E2F3: variants seen among roughly 807,000 people sequenced by gnomAD.
The protein encoded by E2F3 is E2F transcription factor 3.
Under a neutral mutation model 44.4 loss-of-function variants are expected in E2F3, and 11 were observed. The observed-to-expected ratio is 0.25, with a 90% CI of 0.16 to 0.41. The LOEUF (loss-of-function observed/expected upper bound fraction) is 0.41. E2F3 is among the 10% of genes least tolerant of loss of function. E2F3 has a pLI of 1.00. For missense variants in E2F3, 487 were observed against 583.6 expected, an observed-to-expected ratio of 0.83 and a Z score of 1.70; for synonymous variants, 249 against 253.0, an observed-to-expected ratio of 0.98 and a Z score of 0.15.
At chr6:20,433,489 C>T (rs1265034374) in intron 1 of E2F3, among the ~76,000 whole-genome samples, 1 of 152,170 alleles carries the variant, frequency 6.6e-6, no homozygotes, top group Non-Finnish European at 1.5e-5. Flanking sequence ...CACAGTAGAA[C>T]TGGCAGTGTG....
intron 3 of E2F3, among the ~76,000 whole-genome samples, chr6:20,482,346 T>G (rs955676874): frequency 7.3e-5 from 11 of 150,428 alleles, no homozygotes; most frequent in East Asian, 1.9e-4. Flanking sequence ...TTTTTTGTTT[T>G]TTTTTTTTTT....
chr6:20,479,696 C>T, intron 1 of E2F3, 150 bp from the exon 2 acceptor site: 1 of 638,756 alleles, frequency 1.6e-6, no homozygotes, highest in Middle Eastern at 4.4e-4. Context: ...AATCCTGGCT[C>T]TAGGGAATGA....
chr6:20,453,948 G>C (rs950352423), intron 1 of E2F3, among the ~76,000 whole-genome samples: 11 of 152,336 alleles, frequency 7.2e-5, no homozygotes, highest in Admixed American at 6.5e-4. Flanking sequence ...ATTTACTCCA[G>C]AGTGAATGAA....
chr6:20,411,430 G>C (rs183107359), intron 1 of E2F3, among the ~76,000 whole-genome samples: 1 of 152,122 alleles, frequency 6.6e-6, no homozygotes, highest in Non-Finnish European at 1.5e-5. Flanking sequence ...TTTTATGTTA[G>C]ATCTATTCCT....
At chr6:20,468,223 G>A (rs1761776992) in intron 1 of E2F3, among the ~76,000 whole-genome samples, 1 of 152,210 alleles carries the variant, frequency 6.6e-6, no homozygotes, top group Non-Finnish European at 1.5e-5. Flanking sequence ...TGAGGGTTCA[G>A]TCTCACAAGA....
At position 20,402,534 on chromosome 6, in the gene E2F3, C is replaced by G; in HGVS notation, c.302C>G (p.Thr101Ser). Residue 101 changes from threonine (T) to serine (S), a missense_variant, in exon 1 of 7, where the codon ACC (threonine) becomes AGC (serine). Thr to Ser is a moderately conservative substitution (Grantham distance 58, BLOSUM62 1). Transcript: ENST00000346618. This position sits in a 1 kb window ranked among gnomAD's most constrained non-coding sequence, Gnocchi z 5.6. ...AEQTAGSLLY[T>S]TPHGPSSRAG... ...CAGACCGCCGGCAGCCTCCTCTACA[C>G]CACGCCGCACGGACCCTCCAGCAGA... 6.3e-7 allele frequency: 1 copy of G among 1,597,070 alleles called. No individual in the cohort carries two copies. The highest frequency in any genetic ancestry group is 1.1e-5 in the South Asian group (1 of 90,758).
chr6:20,481,141 G>C (rs1380141588), intron 2 of E2F3, 65 bp from the exon 3 acceptor site: 1 of 1,474,046 alleles, frequency 6.8e-7, no homozygotes, highest in African/African-American at 1.4e-5. Flanking sequence ...TGACTGCAAA[G>C]ACACCCTTCA....
chr6:20,457,391 G>A (rs535449705), intron 1 of E2F3, among the ~76,000 whole-genome samples: 10 of 108,974 alleles, frequency 9.2e-5, no homozygotes, highest in Non-Finnish European at 1.8e-4. Context: ...GTTTCACCAT[G>A]TTGGCCAGGC....
At chr6:20,472,419 G>A (rs1015602873) in intron 1 of E2F3, among the ~76,000 whole-genome samples, 3 of 152,116 alleles carry the variant, frequency 2.0e-5, no homozygotes, top group Non-Finnish European at 4.4e-5. Context: ...GAACGTGGAG[G>A]CTCACATCTG....
intron 1 of E2F3, among the ~76,000 whole-genome samples, chr6:20,441,263 C>T (rs1401397271): frequency 6.6e-6 from 1 of 152,156 alleles, no homozygotes; most frequent in Non-Finnish European, 1.5e-5. Context: ...AAATATTTAC[C>T]CTTCTGTATC....
chr6:20,460,612 A>G (rs913438544), intron 1 of E2F3, among the ~76,000 whole-genome samples: 5 of 152,178 alleles, frequency 3.3e-5, no homozygotes, highest in African/African-American at 2.4e-5. Flanking sequence ...GCTATAATAA[A>G]CATCCTTATA....
At chr6:20,450,010 C>A (rs1340530904) in intron 1 of E2F3, among the ~76,000 whole-genome samples, 1 of 152,256 alleles carries the variant, frequency 6.6e-6, no homozygotes, top group South Asian at 2.1e-4. Flanking sequence ...TTTCATTATC[C>A]GGTCTATCAT....
At chr6:20,455,204 G>C (rs1761270794) in intron 1 of E2F3, among the ~76,000 whole-genome samples, 1 of 152,124 alleles carries the variant, frequency 6.6e-6, no homozygotes, top group Non-Finnish European at 1.5e-5. Context: ...CTTTTTGGAT[G>C]CCTTTCTTGT....
At position 20,492,349 on chromosome 6, in the gene E2F3, A is replaced by C. The variant is rs779170092; in HGVS notation, c.*1919A>C. 16 of 233,372 alleles carry C rather than the reference A, an allele frequency of 6.9e-5. No homozygotes were observed. The highest frequency in any genetic ancestry group is 1.3e-4 in the Non-Finnish European group (15 of 117,904). The allele number at this position is 233,372 out of a possible 1,614,324, so 14.5% of individuals were successfully genotyped here. ...TTCCTTTTTTTCTTCTTCAGCCTCC[A>C]TCCCTGGCCTCCTCCCCTCACACAC... is the stretch of plus-strand genomic sequence containing the variant. On this transcript the variant is annotated 3_prime_UTR_variant, in exon 7 of 7. Coordinates refer to ENST00000346618, the MANE Select transcript of E2F3 (RefSeq NM_001949.5).
chr6:20,430,725 C>T (rs1473377786), intron 1 of E2F3, among the ~76,000 whole-genome samples: 2 of 152,138 alleles, frequency 1.3e-5, no homozygotes, highest in African/African-American at 4.8e-5. Context: ...GGATTCACTT[C>T]AGAGTTGAGG....
intron 1 of E2F3, among the ~76,000 whole-genome samples, chr6:20,461,090 G>A (rs1423196124): frequency 6.7e-6 from 1 of 148,860 alleles, no homozygotes; most frequent in African/African-American, 2.5e-5. Context: ...TAAGTCTCAT[G>A]CCCATTCTTC....
intron 1 of E2F3, among the ~76,000 whole-genome samples, chr6:20,416,917 G>A (rs539235034): frequency 1.3e-5 from 2 of 152,156 alleles, no homozygotes; most frequent in South Asian, 4.2e-4. Context: ...TAAATGGGAG[G>A]GCTTTGGGAG....
intron 1 of E2F3, among the ~76,000 whole-genome samples, chr6:20,413,401 T>C (rs1759739162): frequency 6.6e-6 from 1 of 152,142 alleles, no homozygotes; most frequent in Admixed American, 6.5e-5. Flanking sequence ...GCCACATCCA[T>C]TCACATAATG....
intron 1 of E2F3, among the ~76,000 whole-genome samples, chr6:20,443,888 A>G (rs1291370622): frequency 6.6e-6 from 1 of 152,178 alleles, no homozygotes; most frequent in African/African-American, 2.4e-5. Flanking sequence ...CCTTAATTTC[A>G]TATCAAGTAC....
Sources: gnomAD v4.1 joint callset for allele counts (sites outside exome capture counted in the v4.1 genomes callset) on GRCh38, gnomAD v4.1.1 for gene constraint, Gnocchi (gnomAD v3.1) non-coding constraint, MANE v1.5 for transcripts, NCBI Gene and HGNC (gene_info 2026-07-23, HGNC 2026-07-21) for gene names.